The following ARHGEF26 variants were observed in gnomAD, a reference collection of about 807,000 sequenced individuals.
The protein encoded by ARHGEF26 is Rho guanine nucleotide exchange factor (GEF) 26.
In ARHGEF26, 59 loss-of-function variants were observed where a neutral mutation model predicts 89.4. That is an observed-to-expected ratio of 0.66 (90% CI 0.54 to 0.82). The LOEUF is 0.82. ARHGEF26 is among the 40% of genes least tolerant of loss of function. ARHGEF26 has a pLI of 0.00. For synonymous variants in ARHGEF26, 500 were observed against 428.4 expected (o/e 1.17, Z -2.06); for missense variants, 1,234 against 1,085.6 (o/e 1.14, Z -1.92).
At chr3:154,161,849 T>A (rs1711682479) in intron 6 of ARHGEF26, among the ~76,000 whole-genome samples, 2 of 152,168 alleles carry the variant, frequency 1.3e-5, no homozygotes, top group African/African-American at 4.8e-5. Context: ...AGTGGTAGAT[T>A]CCTTGAATCA....
At chr3:154,176,767 G>T (rs1334791078) in intron 6 of ARHGEF26, among the ~76,000 whole-genome samples, 3 of 152,134 alleles carry the variant, frequency 2.0e-5, no homozygotes, top group Non-Finnish European at 1.5e-5. Context: ...GACGTTTTTA[G>T]AAGCAGATTT....
At chr3:154,244,827 C>T (rs1277837307) in intron 12 of ARHGEF26, among the ~76,000 whole-genome samples, 1 of 152,066 alleles carries the variant, frequency 6.6e-6, no homozygotes, top group Non-Finnish European at 1.5e-5. Context: ...ATCTGGCCTT[C>T]CTGACAGTCT....
Position 154,255,519 on chromosome 3 carries a change from C to T in ARHGEF26, c.*46C>T, listed in dbSNP as rs1203026674. ...TACTGCAAGATTTGCACGACACTTA[C>T]CGGGCTGGTTGGTTCTGGGCTAGTT... On this transcript the variant is annotated 3_prime_UTR_variant, in exon 15 of 15. Transcript: ENST00000465093. 3.1e-6 allele frequency: 5 copies of T among 1,589,122 alleles called. No individual in the cohort carries two copies. Among genetic ancestry groups the T allele is most frequent in the Non-Finnish European group, 3.4e-6 (4 of 1,168,998 alleles).
intron 8 of ARHGEF26, among the ~76,000 whole-genome samples, chr3:154,192,547 T>A (rs563238190): frequency 6.6e-6 from 1 of 152,318 alleles, no homozygotes; most frequent in African/African-American, 2.4e-5. Context: ...ATTCAGGAAC[T>A]TCCCCCCTGT....
At chr3:154,202,145 A>G (rs1412399084) in intron 9 of ARHGEF26, among the ~76,000 whole-genome samples, 6 of 152,138 alleles carry the variant, frequency 3.9e-5, no homozygotes, top group African/African-American at 4.8e-5. Context: ...TAGGTCTAAC[A>G]TTTAAGTCTT....
At chr3:154,131,688 G>A (rs909717073) in intron 4 of ARHGEF26, among the ~76,000 whole-genome samples, 4 of 152,192 alleles carry the variant, frequency 2.6e-5, no homozygotes, top group Non-Finnish European at 5.9e-5. Flanking sequence ...AGCTGGGTTT[G>A]TTAGCACAGG....
intron 6 of ARHGEF26, among the ~76,000 whole-genome samples, chr3:154,161,792 C>T (rs1711678109): frequency 1.3e-5 from 2 of 152,118 alleles, no homozygotes; most frequent in South Asian, 2.1e-4. Context: ...TAGATTAGGA[C>T]TAAAACCTGA....
chr3:154,199,808 A>T (rs1028145650), intron 9 of ARHGEF26, among the ~76,000 whole-genome samples: 11 of 152,118 alleles, frequency 7.2e-5, no homozygotes, highest in African/African-American at 2.7e-4. Context: ...CATCTCGCTA[A>T]TGATCAGTGA....
At position 154,160,827 on chromosome 3, in the gene ARHGEF26, TTGA is replaced by T. The variant is rs566990402; in HGVS notation, c.1487+7902_1487+7904del. 5.3e-5 allele frequency among the ~76,000 whole-genome samples: 8 copies of T among 152,214 alleles called. No homozygotes were observed. In the South Asian group the frequency reaches 1.5e-3, roughly 28 times the overall value. On this transcript the variant is annotated intron_variant, in intron 6 of 14. Coordinates refer to ENST00000465093, the MANE Select transcript of ARHGEF26 (RefSeq NM_015595.4). Reference sequence around the variant, plus strand: ...TAAAGGTAATTCCTAGGTGCAGGAATTGATGATGAAGTTGGGTAAAGGTGTGAC... The same window carrying T: ...TAAAGGTAATTCCTAGGTGCAGGAATTGATGAAGTTGGGTAAAGGTGTGAC...
At chr3:154,230,326 A>G (rs1209583422) in intron 11 of ARHGEF26, among the ~76,000 whole-genome samples, 3 of 152,220 alleles carry the variant, frequency 2.0e-5, no homozygotes, top group East Asian at 3.8e-4. Flanking sequence ...GAGATAAAAT[A>G]TCTTTTTCAA....
At chr3:154,176,601 CATAAAGTGGCTGAGAT>C (rs1350960044) in intron 6 of ARHGEF26, among the ~76,000 whole-genome samples, 1 of 152,054 alleles carries the variant, frequency 6.6e-6, no homozygotes, top group Non-Finnish European at 1.5e-5. Flanking sequence ...GGCTGAGAGG[CATAAAGTGGCTGAGAT>C]TTGGTTGGGA....
At chr3:154,213,884 T>C (rs1715560611) in intron 9 of ARHGEF26, among the ~76,000 whole-genome samples, 1 of 152,180 alleles carries the variant, frequency 6.6e-6, no homozygotes, top group Non-Finnish European at 1.5e-5. Context: ...GAATATCCCA[T>C]TGGGCGTTAG....
intron 6 of ARHGEF26, among the ~76,000 whole-genome samples, chr3:154,186,925 C>T (rs1159806493): frequency 3.1e-5 from 3 of 95,470 alleles, no homozygotes; most frequent in Admixed American, 1.5e-4. Context: ...GAGACGGAGT[C>T]TCTGTCGCCA....
chr3:154,165,167 G>A (rs764096948), intron 6 of ARHGEF26, among the ~76,000 whole-genome samples: 40 of 152,046 alleles, frequency 2.6e-4, no homozygotes, highest in Admixed American at 1.4e-3. Context: ...CCATTCCTAG[G>A]GGTCACTGTA....
intron 9 of ARHGEF26, among the ~76,000 whole-genome samples, chr3:154,206,243 A>C (rs533435490): frequency 6.6e-6 from 1 of 152,286 alleles, no homozygotes; most frequent in South Asian, 2.1e-4. Context: ...TTCCACTGAA[A>C]AGTCTGCTGC....
intron 6 of ARHGEF26, among the ~76,000 whole-genome samples, chr3:154,155,063 C>T (rs2108104570): frequency 6.6e-6 from 1 of 151,984 alleles, no homozygotes; most frequent in East Asian, 1.9e-4. Context: ...TCCCCAGAGT[C>T]TTTCTAGCAG....
At chr3:154,193,081 A>G (rs1265812126) in intron 8 of ARHGEF26, among the ~76,000 whole-genome samples, 2 of 152,128 alleles carry the variant, frequency 1.3e-5, no homozygotes, top group Non-Finnish European at 2.9e-5. Flanking sequence ...GAGTAAAGCT[A>G]TAGCTTTTCT....
intron 11 of ARHGEF26, among the ~76,000 whole-genome samples, chr3:154,237,373 C>T (rs1429999121): frequency 1.3e-5 from 2 of 152,156 alleles, no homozygotes; most frequent in East Asian, 3.9e-4. Flanking sequence ...GAAACCCTGT[C>T]TCTACTAAAA....
At chr3:154,200,893 A>C (rs1714585376) in intron 9 of ARHGEF26, among the ~76,000 whole-genome samples, 1 of 152,050 alleles carries the variant, frequency 6.6e-6, no homozygotes, top group East Asian at 1.9e-4. Flanking sequence ...CACATTGTTC[A>C]CTGTTGGCAT....
Sources: gnomAD v4.1 joint callset for allele counts (sites outside exome capture counted in the v4.1 genomes callset) on GRCh38, gnomAD v4.1.1 for gene constraint, MANE v1.5 for transcripts, NCBI Gene and HGNC (gene_info 2026-07-23, HGNC 2026-07-21) for gene names.